The following PRKAG2 variants were observed in gnomAD, a reference collection of about 807,000 sequenced individuals.
PRKAG2 encodes the protein protein kinase AMP-activated non-catalytic subunit gamma 2, also known as 5'-AMP-activated protein kinase subunit gamma-2.
PRKAG2 carries 26 observed loss-of-function variants against 69.6 expected under a neutral mutation model. The ratio of observed to expected loss-of-function variants is 0.37; its 90% confidence interval spans 0.27 to 0.52. The LOEUF (loss-of-function observed/expected upper bound fraction) is 0.52. Ranked by LOEUF, PRKAG2 falls within the 20% of genes least tolerant of loss-of-function variation. PRKAG2 has a pLI of 0.90. For synonymous variants in PRKAG2, 293 were observed against 285.0 expected, an observed-to-expected ratio of 1.03 and a Z score of -0.28; for missense variants, 557 against 740.0, an observed-to-expected ratio of 0.75 and a Z score of 2.87.
chr7:151,697,406 C>T (rs1004147041), intron 3 of PRKAG2, among the ~76,000 whole-genome samples: 2 of 151,992 alleles, frequency 1.3e-5, no homozygotes, highest in Admixed American at 1.3e-4. Flanking sequence ...AGCCCGGGAG[C>T]CCTCTGAGGA....
chr7:151,654,833 C>T (rs903638657), intron 4 of PRKAG2, among the ~76,000 whole-genome samples: 1 of 152,222 alleles, frequency 6.6e-6, no homozygotes, highest in African/African-American at 2.4e-5. Context: ...GCTGGGGCTA[C>T]AGGCATGTGC....
At chr7:151,857,597 C>A (rs114842244) in intron 1 of PRKAG2, among the ~76,000 whole-genome samples, 1,562 of 152,280 alleles carry the variant, frequency 0.01, 27 homozygotes, top group African/African-American at 0.035. Context: ...GGCTGTGCCA[C>A]CCCCTGCCAA....
In PRKAG2 at chr7:151,736,188, C is replaced by T; in HGVS notation, c.466+44964G>A. On this transcript the variant is annotated intron_variant, in intron 3 of 15. Transcript: ENST00000287878. ...CCTCACCAGGGGGTCTTCAGGGCGA[C>T]CTCACCGCAGCCCCAGAGTCTGTGA... 3.5e-6 allele frequency: 5 copies of T among 1,419,548 alleles called. No homozygotes were observed. In the South Asian group the frequency reaches 6.0e-5, roughly 17 times the overall value. 87.9% of individuals were successfully genotyped at this position (1,419,548 alleles called of 1,614,324 possible).
intron 3 of PRKAG2, among the ~76,000 whole-genome samples, chr7:151,744,525 A>G (rs2074141104): frequency 6.6e-6 from 1 of 152,248 alleles, no homozygotes; most frequent in African/African-American, 2.4e-5. Flanking sequence ...AGCCCCTTGA[A>G]GCCCACCCTA....
intron 3 of PRKAG2, among the ~76,000 whole-genome samples, chr7:151,705,554 G>C (rs1838447833): frequency 1.3e-5 from 2 of 152,304 alleles, no homozygotes; most frequent in Non-Finnish European, 2.9e-5. Flanking sequence ...GAGACAGATA[G>C]GGGGAGGGCT....
chr7:151,823,223 C>T (rs934422194), intron 1 of PRKAG2, among the ~76,000 whole-genome samples: 1 of 148,150 alleles, frequency 6.7e-6, no homozygotes, highest in Non-Finnish European at 1.5e-5. Context: ...GTTTTGTTGG[C>T]TACAGGGATT....
chr7:151,562,362 A>G (rs1456523786), intron 14 of PRKAG2, among the ~76,000 whole-genome samples: 1 of 151,646 alleles, frequency 6.6e-6, no homozygotes, highest in Non-Finnish European at 1.5e-5. Context: ...CTGATAGAAA[A>G]CAGGGACATA....
At chr7:151,674,990 C>A in intron 4 of PRKAG2, 1 of 311,756 alleles carries the variant, frequency 3.2e-6, no homozygotes, top group Non-Finnish European at 6.3e-6. Context: ...GTCATGATCT[C>A]AGCTCACTGC....
At chr7:151,736,373 C>CCTG in intron 3 of PRKAG2, 1 of 970,786 alleles carries the variant, frequency 1.0e-6, no homozygotes, top group Non-Finnish European at 1.2e-6. Flanking sequence ...CTCACTGATA[C>CCTG]TCTCCAGGGC....
chr7:151,564,041 G>A, intron 14 of PRKAG2, 37 bp downstream of exon 14: 1 of 1,613,242 alleles, frequency 6.2e-7, no homozygotes, highest in South Asian at 1.1e-5. Context: ...TTGTTGCAGT[G>A]GACGTCGGGG....
chr7:151,560,271 C>T lies in PRKAG2; in HGVS notation c.1678+253G>A, dbSNP rs2150969887. 7 of 1,381,150 alleles carry T rather than the reference C, an allele frequency of 5.1e-6. No individual in the cohort carries two copies. In the South Asian group the frequency reaches 9.5e-5, roughly 19 times the overall value. The allele number at this position is 1,381,150 out of a possible 1,614,324, so 85.6% of individuals were successfully genotyped here. ...GTTATGATGAACATGGCAATGGCTC[C>T]CAAGTCATTTAGGGGGCCACTGGAC... On this transcript the variant is annotated intron_variant, in intron 15 of 15. Transcript: ENST00000287878.
intron 3 of PRKAG2, among the ~76,000 whole-genome samples, chr7:151,731,542 A>G (rs1586142165): frequency 1.0e-5 from 1 of 98,316 alleles, no homozygotes; most frequent in East Asian, 3.0e-4. Context: ...GTGTGCGCAC[A>G]GGTACATGAC....
chr7:151,787,650 G>T (rs1403931834), intron 1 of PRKAG2, among the ~76,000 whole-genome samples: 1 of 152,124 alleles, frequency 6.6e-6, no homozygotes, highest in African/African-American at 2.4e-5. Context: ...TGTGAATAAC[G>T]CTGCTATGAG....
intron 3 of PRKAG2, among the ~76,000 whole-genome samples, chr7:151,737,466 C>T (rs1417107149): frequency 2.0e-5 from 3 of 152,204 alleles, no homozygotes; most frequent in Admixed American, 6.5e-5. Flanking sequence ...AAATAACCCC[C>T]GAGCTAAAGA....
At chr7:151,798,945 T>C (rs1053695531) in intron 1 of PRKAG2, among the ~76,000 whole-genome samples, 8 of 152,126 alleles carry the variant, frequency 5.3e-5, no homozygotes, top group African/African-American at 1.2e-4. Context: ...CCCTGGCCCT[T>C]TGACATGCAG....
Position 151,829,147 on chromosome 7 carries a change from C to T in PRKAG2, c.115-42606G>A, listed in dbSNP as rs181481418. On this transcript the variant is annotated intron_variant, in intron 1 of 15. Coordinates refer to ENST00000287878, the MANE Select transcript of PRKAG2 (RefSeq NM_016203.4). ...TATATCTGATAGGGACTTGTATTCACAATACATAAAGAACTGTTCAACTCA... is the reference window on the plus strand; with the variant it reads ...TATATCTGATAGGGACTTGTATTCATAATACATAAAGAACTGTTCAACTCA... 9.5e-4 allele frequency among the ~76,000 whole-genome samples: 145 copies of T among 152,300 alleles called. No homozygotes were observed. The South Asian group carries it at 0.018, about 19-fold the overall frequency.
intron 1 of PRKAG2, 65 bp downstream of exon 1, chr7:151,876,442 C>T (rs748252081): frequency 2.7e-5 from 40 of 1,506,596 alleles, no homozygotes; most frequent in Non-Finnish European, 3.6e-5. Context: ...GCGTTAACCG[C>T]TTCGGCGCCG....
intron 3 of PRKAG2, among the ~76,000 whole-genome samples, chr7:151,770,793 C>G (rs542528389): frequency 6.6e-6 from 1 of 152,210 alleles, no homozygotes; most frequent in South Asian, 2.1e-4. Flanking sequence ...CGACCTGGAG[C>G]TGTAGGGGGG....
rs1294087867 is a variant in PRKAG2 at position 151,567,386 on chromosome 7, G to A, written c.1233+1330C>T. Reference sequence around the variant, plus strand: ...TACCTGATAGGGTAGCAGCGAGGATGAGATTATGTCAAGTGCTTAGAACAG... The same window carrying A: ...TACCTGATAGGGTAGCAGCGAGGATAAGATTATGTCAAGTGCTTAGAACAG... On this transcript the variant is annotated intron_variant, in intron 11 of 15. Transcript: ENST00000287878. This position sits in a 1 kb window ranked among gnomAD's most constrained non-coding sequence, Gnocchi z 4.2. Among the ~76,000 whole-genome samples, 3 of 152,172 alleles carry A rather than the reference G, an allele frequency of 2.0e-5. No homozygotes were observed. The highest frequency in any genetic ancestry group is 4.4e-5 in the Non-Finnish European group (3 of 68,036).
Sources: allele counts gnomAD v4.1 joint callset (sites outside exome capture counted in the v4.1 genomes callset), GRCh38; gene constraint gnomAD v4.1.1; non-coding constraint Gnocchi (gnomAD v3.1); transcripts MANE v1.5; gene names NCBI Gene and HGNC (gene_info 2026-07-23, HGNC 2026-07-21).